MLLT1: variants seen among roughly 807,000 people sequenced by gnomAD.
The protein encoded by MLLT1 is protein ENL.
MLLT1 carries 11 observed loss-of-function variants against 55.1 expected under a neutral mutation model. That is an observed-to-expected ratio of 0.20 (90% CI 0.13 to 0.33). MLLT1 has a LOEUF of 0.33. MLLT1 is among the 10% of genes least tolerant of loss of function. The pLI is 1.00. For synonymous variants in MLLT1, 323 were observed against 320.1 expected (o/e 1.01, Z -0.10); for missense variants, 536 against 760.6 (o/e 0.70, Z 3.47).
Position 6,270,658 on chromosome 19 carries a change from G to A in MLLT1, c.114C>T (p.Gly38=), listed in dbSNP as rs1306811618. Residue 38 remains glycine (G), a synonymous_variant, in exon 2 of 12, where the codon GGC becomes GGT. Coordinates refer to ENST00000252674, the MANE Select transcript of MLLT1 (RefSeq NM_005934.4). The surrounding 1 kb of genome is among the most constrained non-coding windows in gnomAD (Gnocchi z 7.1). ...FTHDWMVFVR[G]PEQCDIQHFV... The stretch of plus-strand genomic sequence containing the variant: ...AGTGCTGGATGTCACATTGCTCGGG[G>A]CCGCGGACAAACACCATCCAGTCGT... The A allele has an allele frequency of 1.2e-6, 2 of 1,614,152 alleles. No individual in the cohort carries two copies. The highest frequency in any genetic ancestry group is 1.3e-5 in the African/African-American group (1 of 75,056).
At chr19:6,251,126 A>G (rs2091209752) in intron 3 of MLLT1, among the ~76,000 whole-genome samples, 1 of 152,188 alleles carries the variant, frequency 6.6e-6, no homozygotes, top group African/African-American at 2.4e-5. Context: ...TACTGGCACA[A>G]GGTTTCCTTC....
intron 3 of MLLT1, among the ~76,000 whole-genome samples, chr19:6,258,896 G>A (rs1031279564): frequency 1.3e-5 from 2 of 152,172 alleles, no homozygotes; most frequent in Non-Finnish European, 2.9e-5. Flanking sequence ...GGAAGGAGCC[G>A]ATACCATCTC....
At position 6,230,562 on chromosome 19, in the gene MLLT1, A is replaced by G; in HGVS notation, c.420+8T>C. On this transcript the variant is annotated splice_region_variant and intron_variant, in intron 4 of 11. Transcript: ENST00000252674. The surrounding 1 kb of genome is among the most constrained non-coding windows in gnomAD (Gnocchi z 9.0). ...GCCCCTTGGCGGGCAGGGGCGGGGC[A>G]CACTCACCCCGCCGGCCCGCAGGAG... 6.2e-7 allele frequency: 1 copy of G among 1,611,976 alleles called. No homozygotes were observed. The highest frequency in any genetic ancestry group is 8.5e-7 in the Non-Finnish European group (1 of 1,179,636).
chr19:6,261,242 C>T (rs2091302268), intron 3 of MLLT1, among the ~76,000 whole-genome samples: 1 of 152,186 alleles, frequency 6.6e-6, no homozygotes, highest in African/African-American at 2.4e-5. Flanking sequence ...CTCAGAATGA[C>T]CTAGGTTTCT....
chr19:6,253,719 G>GA (rs976570191), intron 3 of MLLT1, among the ~76,000 whole-genome samples: 6 of 152,054 alleles, frequency 3.9e-5, no homozygotes, highest in Non-Finnish European at 7.4e-5. Context: ...ATAAAAGGAA[G>GA]AAAAAATCTA....
At chr19:6,272,603 C>T (rs892987641) in intron 1 of MLLT1, among the ~76,000 whole-genome samples, 1 of 152,230 alleles carries the variant, frequency 6.6e-6, no homozygotes, top group Non-Finnish European at 1.5e-5. Context: ...GGGTTGCTGA[C>T]GCAGCCCCCA....
chr19:6,236,809 C>G (rs1012468120), intron 3 of MLLT1, among the ~76,000 whole-genome samples: 1 of 152,218 alleles, frequency 6.6e-6, no homozygotes, highest in Admixed American at 6.5e-5. Flanking sequence ...CAGCAGGCTC[C>G]GTGAGCAATG....
Position 6,273,584 on chromosome 19 carries a change from T to C in MLLT1, c.13-2825A>G, listed in dbSNP as rs1223397799. On this transcript the variant is annotated intron_variant, in intron 1 of 11. Transcript: ENST00000252674. This position sits in a 1 kb window ranked among gnomAD's most constrained non-coding sequence, Gnocchi z 4.3. ...AACAAACCCAAAACAACACTGACAT[T>C]AGCCCCGAGCGGCCATGACCACCCT... is the stretch of plus-strand genomic sequence containing the variant. Among the ~76,000 whole-genome samples, 1 of 152,070 alleles carries C rather than the reference T, an allele frequency of 6.6e-6. No individual in the cohort carries two copies. The highest frequency in any genetic ancestry group is 1.5e-5 in the Non-Finnish European group (1 of 67,996).
At chr19:6,249,320 T>C (rs954591337) in intron 3 of MLLT1, among the ~76,000 whole-genome samples, 1 of 152,196 alleles carries the variant, frequency 6.6e-6, no homozygotes, top group African/African-American at 2.4e-5. Context: ...AGATTTCTAC[T>C]GGACAGCCCG....
intron 1 of MLLT1, among the ~76,000 whole-genome samples, chr19:6,271,640 A>C (rs956258800): frequency 2.0e-5 from 3 of 152,258 alleles, no homozygotes; most frequent in African/African-American, 7.2e-5. Flanking sequence ...AACCTACAGT[A>C]AATATCCACC....
intron 3 of MLLT1, among the ~76,000 whole-genome samples, chr19:6,237,435 C>T (rs1469182789): frequency 6.6e-6 from 1 of 152,060 alleles, no homozygotes; most frequent in Non-Finnish European, 1.5e-5. Flanking sequence ...CTCTGAGGCC[C>T]CAGGGTTCAC....
At chr19:6,214,837 G>A (rs947016787) in intron 8 of MLLT1, among the ~76,000 whole-genome samples, 4 of 152,108 alleles carry the variant, frequency 2.6e-5, no homozygotes, top group Non-Finnish European at 4.4e-5. Context: ...GAAGCGGCTC[G>A]AGCACACCGG....
chr19:6,232,097 A>G (rs2091017133), intron 3 of MLLT1, among the ~76,000 whole-genome samples: 1 of 152,164 alleles, frequency 6.6e-6, no homozygotes, highest in South Asian at 2.1e-4. Flanking sequence ...TTAGCCGAGC[A>G]TGGTGGTAGG....
At chr19:6,261,641 CAAAAAAA>C (rs556152203) in intron 3 of MLLT1, among the ~76,000 whole-genome samples, 2 of 70,680 alleles carry the variant, frequency 2.8e-5, no homozygotes, top group Non-Finnish European at 6.0e-5. Flanking sequence ...ATCATTAGGC[CAAAAAAA>C]AAAAAAAAAA....
intron 11 of MLLT1, 83 bp from the exon 12 acceptor site, chr19:6,213,253 G>A: frequency 1.2e-6 from 2 of 1,607,968 alleles, no homozygotes; most frequent in Non-Finnish European, 1.7e-6. Context: ...AGGGGCTCCT[G>A]GGGCAGCACC....
intron 3 of MLLT1, among the ~76,000 whole-genome samples, chr19:6,237,564 T>C (rs1226745596): frequency 6.8e-6 from 1 of 147,206 alleles, no homozygotes; most frequent in African/African-American, 2.5e-5. Flanking sequence ...GAGACCATCC[T>C]GGCTAACACA....
chr19:6,217,541 G>A (rs1241830796), intron 7 of MLLT1, among the ~76,000 whole-genome samples: 3 of 152,216 alleles, frequency 2.0e-5, no homozygotes, highest in Non-Finnish European at 2.9e-5. Flanking sequence ...CAAACACTCC[G>A]GCAGCAGGAG....
chr19:6,247,510 A>T (rs749588726), intron 3 of MLLT1, among the ~76,000 whole-genome samples: 2 of 152,254 alleles, frequency 1.3e-5, no homozygotes, highest in Non-Finnish European at 2.9e-5. Flanking sequence ...AATACCTATG[A>T]ATCCATCCGT....
chr19:6,222,133 G>C lies in MLLT1; in HGVS notation c.1098C>G (p.Ser366=). The change falls in exon 6 of 12, where the codon TCC becomes TCG. Residue 366 remains serine, a synonymous_variant. Transcript: ENST00000252674. This position sits in a 1 kb window ranked among gnomAD's most constrained non-coding sequence, Gnocchi z 4.1. ...VEESNSEDEA[S]FKSESAQSSP... ...AGCACTCACTCACCTCGGACTTGAA[G>C]GAGGCCTCGTCCTCTGAGTTGGACT... is the stretch of plus-strand genomic sequence containing the variant. The C allele has an allele frequency of 6.6e-7, 1 of 1,518,414 alleles. No individual in the cohort carries two copies. The highest frequency in any genetic ancestry group is 8.8e-7 in the Non-Finnish European group (1 of 1,130,388). 94.1% of individuals were successfully genotyped at this position (1,518,414 alleles called of 1,614,324 possible).
Sources: allele counts gnomAD v4.1 joint callset (sites outside exome capture counted in the v4.1 genomes callset), GRCh38; gene constraint gnomAD v4.1.1; non-coding constraint Gnocchi (gnomAD v3.1); transcripts MANE v1.5; gene names NCBI Gene and HGNC (gene_info 2026-07-23, HGNC 2026-07-21).